SCAP: variants seen among roughly 807,000 people sequenced by gnomAD.
SCAP encodes SREBF chaperone, also known as sterol regulatory element-binding protein cleavage-activating protein.
Under a neutral mutation model 123.6 loss-of-function variants are expected in SCAP, and 65 were observed. The ratio of observed to expected loss-of-function variants is 0.53; its 90% CI spans 0.43 to 0.65. The LOEUF (loss-of-function observed/expected upper bound fraction) is 0.65. Among genes scored for constraint, SCAP ranks in the 30% least tolerant of loss-of-function variants. SCAP has a pLI of 0.00. For missense variants in SCAP, 1,398 were observed against 1,712.5 expected (o/e 0.82, Z 3.24); for synonymous variants, 740 against 726.3 (o/e 1.02, Z -0.30).
chr3:47,424,136 T>C, intron 8 of SCAP, 91 bp from the exon 9 acceptor site: 1 of 910,944 alleles, frequency 1.1e-6, no homozygotes. Context: ...TTCCAGCCTG[T>C]CATGGGGGCT....
In SCAP at chr3:47,415,200, G is replaced by T; in HGVS notation, c.3057-20C>A. ...ACAATCCTGGAAGAGAAGAACAGCT[G>T]CCAGGGGCCTCTCCCTTAGAGCCCC... On this transcript the variant is annotated intron_variant, in intron 18 of 22. Coordinates refer to ENST00000265565, the MANE Select transcript of SCAP (RefSeq NM_012235.4). The T allele has an allele frequency of 6.3e-7, 1 of 1,596,806 alleles. No homozygotes were observed. Among genetic ancestry groups the T allele is most frequent in the South Asian group, 1.1e-5 (1 of 88,574 alleles).
intron 1 of SCAP, among the ~76,000 whole-genome samples, chr3:47,463,333 A>G (rs1345892252): frequency 1.3e-5 from 2 of 152,150 alleles, no homozygotes; most frequent in African/African-American, 4.8e-5. Context: ...GAATGCCTCT[A>G]TTCATTCCTG....
chr3:47,433,438 A>G (rs770055932), intron 3 of SCAP, among the ~76,000 whole-genome samples: 2 of 152,212 alleles, frequency 1.3e-5, no homozygotes, highest in Non-Finnish European at 2.9e-5. Context: ...TCATCATCCC[A>G]TCATTCAAAG....
chr3:47,433,222 C>G (rs560695936), intron 3 of SCAP, among the ~76,000 whole-genome samples: 1 of 152,330 alleles, frequency 6.6e-6, no homozygotes, highest in East Asian at 1.9e-4. Flanking sequence ...TTACCACCCA[C>G]TTCAGTATCG....
chr3:47,417,521 C>T lies in SCAP; in HGVS notation c.2753G>A (p.Arg918Gln), dbSNP rs765199964. The change falls in exon 17 of 23, where the codon CGG becomes CAG. Residue 918 changes from arginine to glutamine, a missense_variant. By Grantham distance (43) the Arg-to-Gln change is conservative. This residue lies in a region of SCAP where 828 missense variants were observed against 882.5 expected (regional missense o/e 0.94). Coordinates refer to ENST00000265565, the MANE Select transcript of SCAP (RefSeq NM_012235.4). ...CGCCAGCCCCTCCTCCTGGTACACC[C>T]GCTGCACCAGGCAGCTGAAGTCATA... ...PGYDFSCLVQ[R>Q]VYQEEGLAAV... The T allele has an allele frequency of 6.3e-5, 98 of 1,560,350 alleles. No individual in the cohort carries two copies. The highest frequency in any genetic ancestry group is 5.2e-4 in the Middle Eastern group (3 of 5,762).
chr3:47,421,217 G>A (rs1469699681), intron 10 of SCAP, 188 bp from the exon 11 acceptor site: 3 of 620,928 alleles, frequency 4.8e-6, no homozygotes, highest in Middle Eastern at 6.5e-4. Context: ...TCTCCACCAG[G>A]GGGCAGAAGA....
Position 47,417,174 on chromosome 3 carries a change from T to A in SCAP, c.3004A>T (p.Ser1002Cys). The A allele has an allele frequency of 6.2e-7, 1 of 1,613,064 alleles. No individual in the cohort carries two copies. The highest frequency in any genetic ancestry group is 8.5e-7 in the Non-Finnish European group (1 of 1,180,002). ...WDAIEGVLCC[S>C]SEEVSSGITA... The stretch of plus-strand genomic sequence containing the variant: ...ATGCCTGAGGAGACCTCCTCGCTGC[T>A]GCAGCACAGCACCCCTTCAATGGCG... The change falls in exon 18 of 23, where the codon AGC becomes TGC. Residue 1002 changes from serine (S) to cysteine (C), a missense_variant. Around this residue, in one of 7 missense-constraint regions of SCAP, gnomAD observed 828 missense variants for 882.5 expected, o/e 0.94. Transcript: ENST00000265565.
chr3:47,466,392 CAT>C (rs1410007586), intron 1 of SCAP, among the ~76,000 whole-genome samples: 2 of 152,112 alleles, frequency 1.3e-5, no homozygotes, highest in Non-Finnish European at 2.9e-5. Flanking sequence ...GTTTCACACA[CAT>C]GTGAGATGAG....
chr3:47,419,824 A>G lies in SCAP; in HGVS notation c.1564-120T>C. On this transcript the variant is annotated intron_variant, in intron 12 of 22. Transcript: ENST00000265565. The surrounding 1 kb of genome is among the most constrained non-coding windows in gnomAD (Gnocchi z 5.0). ...AGGCCTGGGGATGGAGAGAGGACAC[A>G]GGCCCCACTGCGTCCTTTTCTCCTG... The G allele has an allele frequency of 8.4e-7, 1 of 1,193,328 alleles. No homozygotes were observed. Among genetic ancestry groups the G allele is most frequent in the Non-Finnish European group, 1.1e-6 (1 of 881,122 alleles). The allele number at this position is 1,193,328 out of a possible 1,614,324, so 73.9% of individuals were successfully genotyped here.
chr3:47,474,428 CAT>C (rs1708189823), intron 1 of SCAP, among the ~76,000 whole-genome samples: 1 of 152,072 alleles, frequency 6.6e-6, no homozygotes, highest in African/African-American at 2.4e-5. Flanking sequence ...TTTTTTACAT[CAT>C]GTGCTCAGTG....
At chr3:47,476,458 A>G (rs1708275008), upstream of SCAP, among the ~76,000 whole-genome samples, 2 of 152,316 alleles carry the variant, frequency 1.3e-5, no homozygotes, top group African/African-American at 2.4e-5. Context: ...TCCCTGTTTT[A>G]TAATGGCAAA....
chr3:47,427,931 C>T (rs1459140510), intron 4 of SCAP, among the ~76,000 whole-genome samples: 1 of 152,164 alleles, frequency 6.6e-6, no homozygotes, highest in Non-Finnish European at 1.5e-5. Context: ...TAAGAGCATG[C>T]ACAACCCCAC....
chr3:47,472,261 G>A (rs1455518089), intron 1 of SCAP, among the ~76,000 whole-genome samples: 4 of 149,930 alleles, frequency 2.7e-5, no homozygotes, highest in Admixed American at 1.3e-4. Flanking sequence ...GTGAAACCCC[G>A]TCTCTACTAA....
Position 47,435,346 on chromosome 3 carries a change from C to T in SCAP, c.123-209G>A, listed in dbSNP as rs541002044. 7.9e-5 allele frequency among the ~76,000 whole-genome samples: 12 copies of T among 152,166 alleles called. No individual in the cohort carries two copies. The South Asian group carries it at 1.7e-3, about 21-fold the overall frequency. On this transcript the variant is annotated intron_variant, in intron 2 of 22. Transcript: ENST00000265565. ...ACTTATTTTAGTCACATAAACCTTA[C>T]GAAGAAGCCCAACTGGTAAAATAGA...
At chr3:47,416,872 C>T (rs1039419450) in intron 18 of SCAP, among the ~76,000 whole-genome samples, 4 of 151,792 alleles carry the variant, frequency 2.6e-5, no homozygotes, top group Admixed American at 2.0e-4. Context: ...GTGATCCGCC[C>T]GCCTCGGCCT....
intron 10 of SCAP, chr3:47,421,485 G>A (rs557482656): frequency 3.2e-4 from 56 of 174,160 alleles, no homozygotes; most frequent in South Asian, 1.1e-3. Context: ...AATGAAGAGA[G>A]AGAGAGAGGG....
chr3:47,416,916 G>A (rs887043655), intron 18 of SCAP, among the ~76,000 whole-genome samples: 5 of 151,768 alleles, frequency 3.3e-5, no homozygotes, highest in African/African-American at 4.8e-5. Context: ...GTGAGCCACC[G>A]CGCCCGGCCA....
In SCAP at chr3:47,420,163, G is replaced by A. The variant is rs1441951476; in HGVS notation, c.1563+391C>T. The stretch of plus-strand genomic sequence containing the variant: ...GCACTGCTGCCCCAAGGCCAGCCCA[G>A]CCCGGCTGGTGAATGATTTTGCCCA... On this transcript the variant is annotated intron_variant, in intron 12 of 22. Transcript: ENST00000265565. This position sits in a 1 kb window ranked among gnomAD's most constrained non-coding sequence, Gnocchi z 5.0. 6.6e-6 allele frequency among the ~76,000 whole-genome samples: 1 copy of A among 152,222 alleles called. No homozygotes were observed. The highest frequency in any genetic ancestry group is 1.9e-4 in the East Asian group (1 of 5,202).
Position 47,418,761 on chromosome 3 carries a change from C to T in SCAP, c.2023G>A (p.Gly675Ser), listed in dbSNP as rs918739079. 1.3e-5 allele frequency: 20 copies of T among 1,583,344 alleles called. No individual in the cohort carries two copies. In the African/African-American group the frequency reaches 1.6e-4, roughly 13 times the overall value. The change falls in exon 14 of 23, where the codon GGC (glycine) becomes AGC (serine). Residue 675 changes from glycine to serine, a missense_variant. By Grantham distance (56) the Gly-to-Ser change is moderately conservative (BLOSUM62 0). Transcript: ENST00000265565. The stretch of plus-strand genomic sequence containing the variant: ...CCCGGTGGGGGCCAGGCACTGCGGC[C>T]GTCCTGAGGGTGCCGGCCCTCCAGA... ...EALEGRHPQD[G>S]RSAWPPPGPI...
Sources: gnomAD v4.1 joint callset for allele counts (sites outside exome capture counted in the v4.1 genomes callset) on GRCh38, gnomAD v4.1.1 for gene constraint, gnomAD v4.1.1 regional missense constraint, Gnocchi (gnomAD v3.1) non-coding constraint, MANE v1.5 for transcripts, NCBI Gene and HGNC (gene_info 2026-07-23, HGNC 2026-07-21) for gene names.